The following CYTH2 variants were observed in gnomAD, a reference collection of about 807,000 sequenced individuals.
CYTH2 encodes the protein cytohesin 2.
A neutral mutation model predicts 55.4 loss-of-function variants in CYTH2; 24 were observed. The observed-to-expected ratio is 0.43, with a 90% CI of 0.31 to 0.61. The LOEUF (loss-of-function observed/expected upper bound fraction) is 0.61, where lower values mean the gene tolerates loss of function less well. Ranked by LOEUF, CYTH2 falls within the 20% of genes least tolerant of loss-of-function variation. CYTH2 has a pLI of 0.08. For missense variants in CYTH2, 378 were observed against 533.5 expected (o/e 0.71, Z 2.87); for synonymous variants, 221 against 209.6 (o/e 1.05, Z -0.47).
chr19:48,472,333 G>A lies in CYTH2; in HGVS notation c.243G>A (p.Gln81=), dbSNP rs778977841. 6.2e-7 allele frequency: 1 copy of A among 1,614,032 alleles called. No individual in the cohort carries two copies. Among genetic ancestry groups the A allele is most frequent in the Non-Finnish European group, 8.5e-7 (1 of 1,180,008 alleles). The part of the protein sequence containing the change: ...KFNMDPKKGI[Q]FLVENELLQN... Reference sequence around the variant, plus strand: ...TTGTCCCCACCCACCAGGGGATCCAGTTCTTGGTGGAGAATGAACTGCTGC... The same window carrying A: ...TTGTCCCCACCCACCAGGGGATCCAATTCTTGGTGGAGAATGAACTGCTGC... Residue 81 remains glutamine, a synonymous_variant, in exon 4 of 12, where the codon CAG becomes CAA. Coordinates refer to ENST00000452733, the MANE Select transcript of CYTH2 (RefSeq NM_004228.7).
chr19:48,474,204 C>T lies in CYTH2; in HGVS notation c.570C>T (p.Phe190=), dbSNP rs375723005. 64 of 1,606,236 alleles carry T rather than the reference C, an allele frequency of 4.0e-5. No homozygotes were observed. The highest frequency in any genetic ancestry group is 5.3e-5 in the African/African-American group (4 of 74,844). Residue 190 remains phenylalanine, a synonymous_variant, in exon 7 of 12, where the codon TTC becomes TTT. Transcript: ENST00000452733. This position sits in a 1 kb window ranked among gnomAD's most constrained non-coding sequence, Gnocchi z 4.9. ...CAGACACGTGCTATGTGCTGTCCTT[C>T]GCCGTCATCATGCTCAACACCAGTC... ...QSTDTCYVLS[F]AVIMLNTSLH...
chr19:48,475,889 C>T (rs1055171354), intron 8 of CYTH2: 7 of 334,446 alleles, frequency 2.1e-5, no homozygotes, highest in East Asian at 9.5e-5. Context: ...AATGGAGACA[C>T]GGTGCACAGC....
At chr19:48,476,290 A>G (rs1414640943) in intron 8 of CYTH2, 1 of 201,558 alleles carries the variant, frequency 5.0e-6, no homozygotes, top group Non-Finnish European at 1.0e-5. Flanking sequence ...AAATAAAAAA[A>G]TTAGCCAGGC....
In CYTH2 at chr19:48,480,733, A is replaced by G. The variant is rs973160848; in HGVS notation, c.*1523A>G. 2 of 151,974 alleles carry G rather than the reference A, an allele frequency of 1.3e-5. No individual in the cohort carries two copies. Among genetic ancestry groups the G allele is most frequent in the South Asian group, 2.1e-4 (1 of 4,822 alleles). The allele number at this position is 151,974 out of a possible 1,614,324, so 9.4% of individuals were successfully genotyped here. ...TCCAAATGAGAAAATAGAATTCCCC[A>G]CTTCTCTTTCCCACAGGTGCCAGGG... is the stretch of plus-strand genomic sequence containing the variant. On this transcript the variant is annotated 3_prime_UTR_variant, in exon 12 of 12. Coordinates refer to ENST00000452733, the MANE Select transcript of CYTH2 (RefSeq NM_004228.7).
rs1971769924 is a variant in CYTH2 at position 48,470,437 on chromosome 19, G to A, written c.104G>A (p.Arg35His). 1.9e-6 allele frequency: 3 copies of A among 1,614,016 alleles called. No homozygotes were observed. The highest frequency in any genetic ancestry group is 2.5e-6 in the Non-Finnish European group (3 of 1,180,032). The change falls in exon 2 of 12, where the codon CGC (arginine) becomes CAC (histidine). Residue 35 changes from arginine (R) to histidine (H), a missense_variant. Arg to His is a conservative substitution (Grantham distance 29). Transcript: ENST00000452733. The part of the protein sequence containing the change: ...RKQELLVEIQ[R>H]LREELSEAMS... ...CAGGAGCTGCTGGTGGAGATTCAGC[G>A]CCTGCGGGAGGAGCTCAGTGAAGCC...
Position 48,473,956 on chromosome 19 carries a change from G to A in CYTH2, c.486G>A (p.Arg162=), listed in dbSNP as rs758967193. 3.4e-5 allele frequency: 55 copies of A among 1,613,894 alleles called. 3 individuals carry two copies. In the South Asian group the frequency reaches 5.7e-4, roughly 17 times the overall value. ...RLPGEAQKID[R]MMEAFAQRYC... ...CCGGAGAGGCCCAGAAAATTGACCG[G>A]ATGATGGAGGCCTTCGCCCAGCGAT... The change falls in exon 6 of 12, where the codon CGG becomes CGA. Residue 162 remains arginine (R), a synonymous_variant. Transcript: ENST00000452733.
In CYTH2 at chr19:48,478,475, A is replaced by T. The variant is rs749472978; in HGVS notation, c.995A>T (p.Gln332Leu). 1.9e-6 allele frequency: 3 copies of T among 1,614,164 alleles called. No individual in the cohort carries two copies. In the Admixed American group the frequency reaches 5.0e-5, roughly 27 times the overall value. ...FELYIPNNKGQLIKACKTEAD... is the reference protein window; with the variant it reads ...FELYIPNNKGLLIKACKTEAD... ...CTTTACATCCCCAACAACAAGGGGC[A>T]GCTCATCAAAGCCTGCAAAACTGAG... Residue 332 changes from glutamine to leucine, a missense_variant, in exon 11 of 12, where the codon CAG becomes CTG. By Grantham distance (113) the Gln-to-Leu change is moderately radical (BLOSUM62 -2). Coordinates refer to ENST00000452733, the MANE Select transcript of CYTH2 (RefSeq NM_004228.7).
In CYTH2 at chr19:48,479,791, C is replaced by G. The variant is rs1972014363; in HGVS notation, c.*581C>G. The stretch of plus-strand genomic sequence containing the variant: ...AGCTGGGCCAGGGCTTTGAGGACAA[C>G]CTGGAGCTGGAAGAACATGCGACCA... On this transcript the variant is annotated 3_prime_UTR_variant, in exon 12 of 12. Coordinates refer to ENST00000452733, the MANE Select transcript of CYTH2 (RefSeq NM_004228.7). 6.4e-6 allele frequency: 1 copy of G among 155,488 alleles called. No homozygotes were observed. Among genetic ancestry groups the G allele is most frequent in the African/African-American group, 2.4e-5 (1 of 41,432 alleles). The allele number at this position is 155,488 out of a possible 1,614,324, so 9.6% of individuals were successfully genotyped here. A position where few individuals can be genotyped will look rare whatever the true frequency, so the allele number is the denominator to read the frequency against.
intron 10 of CYTH2, 26 bp from the exon 11 acceptor site, chr19:48,478,412 C>G: frequency 8.1e-6 from 13 of 1,613,204 alleles, no homozygotes; most frequent in Non-Finnish European, 1.0e-5. Flanking sequence ...TGGTTCTTAC[C>G]TGCGCCCTTC....
chr19:48,476,681 G>C (rs1971920387), intron 8 of CYTH2: 1 of 152,174 alleles, frequency 6.6e-6, no homozygotes, highest in South Asian at 2.1e-4. Context: ...TTTGAGACCA[G>C]CCTGGCCAAC....
chr19:48,472,657 C>T, intron 4 of CYTH2: 1 of 605,550 alleles, frequency 1.7e-6, no homozygotes, highest in Non-Finnish European at 3.0e-6. Context: ...GATGTGGGGC[C>T]TTCTGGAATT....
At position 48,478,286 on chromosome 19, in the gene CYTH2, C is replaced by T. The variant is rs1971962166; in HGVS notation, c.897C>T (p.Pro299=). ...YYFEYTTDKE[P]RGIIPLENLS... ...CCTTGCTTCTTCAGGACAAGGAGCC[C>T]CGAGGAATCATCCCCCTGGAGAATC... The change falls in exon 10 of 12, where the codon CCC becomes CCT. Residue 299 remains proline (P), a synonymous_variant. Transcript: ENST00000452733. 1 of 1,613,582 alleles carries T rather than the reference C, an allele frequency of 6.2e-7. No individual in the cohort carries two copies.
chr19:48,472,533 C>G, intron 4 of CYTH2, 90 bp downstream of exon 4: 1 of 1,000,646 alleles, frequency 1.0e-6, no homozygotes, highest in South Asian at 1.4e-5. Flanking sequence ...ACAGGTGGAA[C>G]AGCCCTGCAG....
At chr19:48,477,982 C>G (rs1971952930) in intron 8 of CYTH2, 87 bp from the exon 9 acceptor site, 17 of 1,116,038 alleles carry the variant, frequency 1.5e-5, no homozygotes, top group Non-Finnish European at 2.0e-5. Flanking sequence ...CTCTACCGCT[C>G]TTGCTCTGCT....
chr19:48,478,197 C>T, intron 9 of CYTH2, 52 bp downstream of exon 9: 1 of 1,612,104 alleles, frequency 6.2e-7, no homozygotes, highest in South Asian at 1.1e-5. Context: ...TGGCTGGGAG[C>T]CTGGACTCCT....
Position 48,479,509 on chromosome 19 carries a change from G to T in CYTH2, c.*299G>T. ...TGGGTGCTGCCTGGGCTGTCCCGGTGGGTCTGTTCTGGTTTCACCCCGAGC... is the reference window on the plus strand; with the variant it reads ...TGGGTGCTGCCTGGGCTGTCCCGGTTGGTCTGTTCTGGTTTCACCCCGAGC... On this transcript the variant is annotated 3_prime_UTR_variant, in exon 12 of 12. Transcript: ENST00000452733. 4.7e-6 allele frequency: 2 copies of T among 424,366 alleles called. No individual in the cohort carries two copies. Among genetic ancestry groups the T allele is most frequent in the Non-Finnish European group, 8.6e-6 (2 of 231,226 alleles). 26.3% of individuals were successfully genotyped at this position (424,366 alleles called of 1,614,324 possible).
chr19:48,470,365 T>G lies in CYTH2; in HGVS notation c.32T>G (p.Leu11Arg). The part of the protein sequence containing the change: MEDGVYEPPD[L>R]TPEERMELEN... ...CCCCGATCCCTAGAACCCCCAGACC[T>G]GACTCCGGAGGAGCGGATGGAGCTG... The change falls in exon 2 of 12, where the codon CTG (leucine) becomes CGG (arginine). Residue 11 changes from leucine to arginine, a missense_variant. Coordinates refer to ENST00000452733, the MANE Select transcript of CYTH2 (RefSeq NM_004228.7). 1 of 1,612,046 alleles carries G rather than the reference T, an allele frequency of 6.2e-7. No individual in the cohort carries two copies. Among genetic ancestry groups the G allele is most frequent in the African/African-American group, 1.3e-5 (1 of 75,022 alleles).
chr19:48,471,856 C>G (rs1274116756), intron 3 of CYTH2, among the ~76,000 whole-genome samples: 5 of 152,104 alleles, frequency 3.3e-5, no homozygotes, highest in Non-Finnish European at 5.9e-5. Context: ...TTGAGACCAG[C>G]CTGGGCAGCA....
chr19:48,470,325 A>G (rs377699382), intron 1 of CYTH2, 28 bp from the exon 2 acceptor site: 15 of 1,582,982 alleles, frequency 9.5e-6, no homozygotes, highest in Non-Finnish European at 1.3e-5. Context: ...CCTAGCACTG[A>G]CTTTTAAACC....
Sources: allele counts gnomAD v4.1 joint callset (sites outside exome capture counted in the v4.1 genomes callset), GRCh38; gene constraint gnomAD v4.1.1; non-coding constraint Gnocchi (gnomAD v3.1); transcripts MANE v1.5; gene names NCBI Gene and HGNC (gene_info 2026-07-23, HGNC 2026-07-21).